TTI1: variants seen among roughly 807,000 people sequenced by gnomAD.
TTI1 encodes the protein TELO2-interacting protein 1 homolog.
Under a neutral mutation model 85.4 loss-of-function variants are expected in TTI1, and 52 were observed. That is an observed-to-expected ratio of 0.61 (90% CI 0.49 to 0.77). The LOEUF is 0.77. Ranked by LOEUF, TTI1 falls within the 30% of genes least tolerant of loss-of-function variation. The pLI, the probability that TTI1 is intolerant of heterozygous loss-of-function variation, is 0.00. For synonymous variants in TTI1, 512 were observed against 503.9 expected (o/e 1.02, Z -0.22); for missense variants, 1,173 against 1,296.0 (o/e 0.91, Z 1.46).
Position 37,996,804 on chromosome 20 carries a change from C to G in TTI1, c.2943G>C (p.Lys981Asn). The G allele has an allele frequency of 6.2e-7, 1 of 1,613,912 alleles. No individual in the cohort carries two copies. Among genetic ancestry groups the G allele is most frequent in the Non-Finnish European group, 8.5e-7 (1 of 1,179,788 alleles). Reference sequence around the variant, plus strand: ...GGCCCTGTAAGACAGCCAGCTGCAACTTGAAGGCCAGCGTGTGCGAGTAAA... The same window carrying G: ...GGCCCTGTAAGACAGCCAGCTGCAAGTTGAAGGCCAGCGTGTGCGAGTAAA... ...GPVYSHTLAF[K>N]LQLAVLQGLG... The change falls in exon 6 of 8, where the codon AAG becomes AAC. Residue 981 changes from lysine to asparagine, a missense_variant. Transcript: ENST00000373447.
In TTI1 at chr20:38,012,964, C is replaced by T. The variant is rs146011114; in HGVS notation, c.853G>A (p.Asp285Asn). 6.8e-4 allele frequency: 1,092 copies of T among 1,614,088 alleles called. 1 individual carries two copies. Among genetic ancestry groups the T allele is most frequent in the Non-Finnish European group, 8.5e-4 (1,007 of 1,180,026 alleles). The change falls in exon 2 of 8, where the codon GAC becomes AAC. Residue 285 changes from aspartate (D) to asparagine (N), a missense_variant. Transcript: ENST00000373447. The stretch of plus-strand genomic sequence containing the variant: ...TTTTTAATAAGGATAGTCAACTTGT[C>T]GCCAGTCTTTTTTACCCAATCTGCT... ...READWVKKTG[D>N]KLTILIKKII...
At position 38,015,755 on chromosome 20, in the gene TTI1, G is replaced by T. The variant is rs552383273; in HGVS notation, c.-41-1898C>A. 7.7e-4 allele frequency among the ~76,000 whole-genome samples: 118 copies of T among 152,264 alleles called. 1 individual carries two copies. Among genetic ancestry groups the T allele is most frequent in the African/African-American group, 2.6e-3 (110 of 41,560 alleles). On this transcript the variant is annotated intron_variant, in intron 1 of 7. Transcript: ENST00000373447. The stretch of plus-strand genomic sequence containing the variant: ...GCTCCACTGATGAAATTTTTAAAAA[G>T]ACAGTTAATTGCCAAAACCCAATTA...
Position 37,999,039 on chromosome 20 carries a change from T to C in TTI1, c.2793+149A>G, listed in dbSNP as rs1568613528. 4 of 979,208 alleles carry C rather than the reference T, an allele frequency of 4.1e-6. No individual in the cohort carries two copies. In the East Asian group the frequency reaches 1.3e-4, roughly 32 times the overall value. The allele number at this position is 979,208 out of a possible 1,614,324, so 60.7% of individuals were successfully genotyped here. ...AGTTCAAAAGGAGACTGTTACTTTC[T>C]TCTTTGTGCTTTTCTTATGTTTCTA... On this transcript the variant is annotated intron_variant, in intron 5 of 7. Transcript: ENST00000373447.
At chr20:38,027,903 G>A (rs1270050690) in intron 1 of TTI1, among the ~76,000 whole-genome samples, 2 of 152,034 alleles carry the variant, frequency 1.3e-5, no homozygotes. Context: ...TAGCCTGGGT[G>A]ACAGAGCGAG....
intron 7 of TTI1, among the ~76,000 whole-genome samples, chr20:37,988,797 A>G (rs1164856359): frequency 6.6e-6 from 1 of 152,192 alleles, no homozygotes; most frequent in Non-Finnish European, 1.5e-5. Flanking sequence ...CACTTGTGGG[A>G]AAGCAGGCAT....
intron 4 of TTI1, among the ~76,000 whole-genome samples, chr20:37,999,801 G>GC (rs2073394823): frequency 6.6e-6 from 1 of 152,206 alleles, no homozygotes; most frequent in African/African-American, 2.4e-5. Context: ...AGTGAAAGAA[G>GC]GGCAGCGTGG....
chr20:38,011,462 G>C, intron 2 of TTI1, 53 bp downstream of exon 2: 3 of 1,571,662 alleles, frequency 1.9e-6, no homozygotes, highest in Non-Finnish European at 1.7e-6. Flanking sequence ...AGCAAACTAG[G>C]AGACTGAGTC....
At chr20:37,985,462 T>C (rs967669981) in intron 7 of TTI1, among the ~76,000 whole-genome samples, 42 of 151,954 alleles carry the variant, frequency 2.8e-4, no homozygotes, top group African/African-American at 9.7e-4. Flanking sequence ...TCCTTAGGTG[T>C]AGTGGACATA....
intron 1 of TTI1, among the ~76,000 whole-genome samples, chr20:38,014,434 T>C (rs1474720618): frequency 6.6e-6 from 1 of 152,206 alleles, no homozygotes; most frequent in Non-Finnish European, 1.5e-5. Context: ...ACCACTCTTA[T>C]GACTTCTATC....
intron 7 of TTI1, among the ~76,000 whole-genome samples, chr20:37,989,937 G>C (rs144238859): frequency 6.6e-6 from 1 of 152,344 alleles, no homozygotes; most frequent in Non-Finnish European, 1.5e-5. Context: ...GTTCTTTTAA[G>C]ATGACCCACA....
At chr20:38,022,778 C>G (rs2073786915) in intron 1 of TTI1, among the ~76,000 whole-genome samples, 1 of 152,176 alleles carries the variant, frequency 6.6e-6, no homozygotes, top group Admixed American at 6.5e-5. Context: ...TCTATACATG[C>G]TTTCCCTTCT....
At chr20:37,983,915 G>C (rs958026392) in intron 7 of TTI1, among the ~76,000 whole-genome samples, 1 of 152,172 alleles carries the variant, frequency 6.6e-6, no homozygotes, top group African/African-American at 2.4e-5. Flanking sequence ...CAGCAAACAA[G>C]CTCTTGGCAA....
chr20:38,002,612 G>A lies in TTI1; in HGVS notation c.2652+16C>T. On this transcript the variant is annotated intron_variant, in intron 4 of 7. Coordinates refer to ENST00000373447, the MANE Select transcript of TTI1 (RefSeq NM_001303457.2). ...CCTGCTACTCTGGGAATGCAGAGAA[G>A]CAGCTGCGCACTGACCTTCAGGCGG... 2.5e-6 allele frequency: 4 copies of A among 1,612,184 alleles called. No homozygotes were observed. The highest frequency in any genetic ancestry group is 3.3e-5 in the Admixed American group (2 of 60,008).
intron 5 of TTI1, among the ~76,000 whole-genome samples, chr20:37,998,779 G>A (rs953724287): frequency 3.3e-5 from 5 of 152,134 alleles, no homozygotes; most frequent in Non-Finnish European, 5.9e-5. Context: ...CAGCCCCTTC[G>A]CCTTGACTCC....
chr20:38,003,822 T>C (rs1007820974), intron 3 of TTI1, among the ~76,000 whole-genome samples: 1 of 151,958 alleles, frequency 6.6e-6, no homozygotes, highest in African/African-American at 2.4e-5. Flanking sequence ...GGAAGTTCCA[T>C]GGCTGGCCTC....
intron 2 of TTI1, among the ~76,000 whole-genome samples, chr20:38,007,967 A>T (rs558643460): frequency 6.6e-6 from 1 of 152,350 alleles, no homozygotes; most frequent in South Asian, 2.1e-4. Flanking sequence ...TGCAAAGATT[A>T]TTTCTAGATT....
intron 7 of TTI1, among the ~76,000 whole-genome samples, chr20:37,984,673 C>T (rs1211736389): frequency 6.6e-6 from 1 of 152,224 alleles, no homozygotes; most frequent in South Asian, 2.1e-4. Flanking sequence ...ATTTTGCCCA[C>T]ACCACTGTGC....
intron 2 of TTI1, among the ~76,000 whole-genome samples, chr20:38,010,438 TATAATTGAAGTCCAAAA>T (rs2073566310): frequency 1.3e-5 from 2 of 151,698 alleles, no homozygotes; most frequent in African/African-American, 4.8e-5. Context: ...TTCCTTTCCT[TATAATTGAAGTCCAAAA>T]TTTTGCCATT....
In TTI1 at chr20:38,013,163, G is replaced by A. The variant is rs1430223338; in HGVS notation, c.654C>T (p.Thr218=). The part of the protein sequence containing the change: ...SFLPGISTAL[T]RLITGDFKQG... The stretch of plus-strand genomic sequence containing the variant: ...GTTTAAAGTCTCCTGTGATAAGCCT[G>A]GTCAGTGCAGTTGAGATTCCAGGTA... Residue 218 remains threonine (T), a synonymous_variant, in exon 2 of 8, where the codon ACC becomes ACT. Coordinates refer to ENST00000373447, the MANE Select transcript of TTI1 (RefSeq NM_001303457.2). 6.2e-7 allele frequency: 1 copy of A among 1,614,110 alleles called. No homozygotes were observed. The highest frequency in any genetic ancestry group is 8.5e-7 in the Non-Finnish European group (1 of 1,180,032).
Sources: gnomAD v4.1 joint callset for allele counts (sites outside exome capture counted in the v4.1 genomes callset) on GRCh38, gnomAD v4.1.1 for gene constraint, MANE v1.5 for transcripts, NCBI Gene and HGNC (gene_info 2026-07-23, HGNC 2026-07-21) for gene names.